Variants in NRP2 observed in about 807,000 individuals in gnomAD.
NRP2 encodes neuropilin 2, also known as neuropilin-2.
In NRP2, 52 loss-of-function variants were observed where a neutral mutation model predicts 110.4. The observed-to-expected ratio is 0.47, with a 90% CI of 0.38 to 0.59. The LOEUF (loss-of-function observed/expected upper bound fraction) is 0.59. Ranked by LOEUF, NRP2 falls within the 20% of genes least tolerant of loss-of-function variation. NRP2 has a pLI of 0.00. For synonymous variants in NRP2, 508 were observed against 468.9 expected, an observed-to-expected ratio of 1.08 and a Z score of -1.08; for missense variants, 1,049 against 1,203.0, an observed-to-expected ratio of 0.87 and a Z score of 1.89.
At chr2:205,764,491 T>G (rs1261506494) in intron 13 of NRP2, 1 of 161,102 alleles carries the variant, frequency 6.2e-6, no homozygotes, top group Admixed American at 5.8e-5. Flanking sequence ...GAGGCACAGA[T>G]GGGTATGTTC....
chr2:205,736,641 G>A (rs1336445684), intron 7 of NRP2, among the ~76,000 whole-genome samples: 2 of 152,210 alleles, frequency 1.3e-5, no homozygotes, highest in Non-Finnish European at 2.9e-5. Context: ...TGGAGGGAGG[G>A]CCAGTAAACT....
At chr2:205,690,390 G>A (rs2056284286) in intron 1 of NRP2, among the ~76,000 whole-genome samples, 1 of 152,046 alleles carries the variant, frequency 6.6e-6, no homozygotes, top group Admixed American at 6.6e-5. Flanking sequence ...GGAAGTGTGG[G>A]GGTTGGAGTG....
intron 15 of NRP2, chr2:205,776,118 C>A: frequency 1.1e-6 from 1 of 923,372 alleles, no homozygotes; most frequent in Non-Finnish European, 1.8e-6. Flanking sequence ...CTGAGTACCA[C>A]CTTAGTCCCC....
chr2:205,776,466 T>C (rs1253035308), intron 15 of NRP2: 3 of 1,612,074 alleles, frequency 1.9e-6, no homozygotes, highest in Non-Finnish European at 2.5e-6. Flanking sequence ...ACGGGGCCCC[T>C]CTGGCGGTGG....
chr2:205,766,651 C>G (rs2057923438), intron 14 of NRP2, 132 bp from the exon 15 acceptor site: 4 of 782,650 alleles, frequency 5.1e-6, no homozygotes, highest in South Asian at 1.5e-5. Context: ...ATGGGGGGCC[C>G]TCTCCATGGA....
At chr2:205,745,953 C>G in intron 10 of NRP2, 63 bp downstream of exon 10, 25 of 1,595,594 alleles carry the variant, frequency 1.6e-5, no homozygotes, top group Non-Finnish European at 2.1e-5. Flanking sequence ...TGGCATCCCA[C>G]GAGGCCCTGG....
Position 205,726,013 on chromosome 2 carries a change from A to T in NRP2, c.921A>T (p.Gln307His). ...ACTCTGATGGGAGGTGGACCCCTCA[A>T]CAAAGCCGGCTCCATGGTGATGACA... ...STYSDGRWTP[Q>H]QSRLHGDDNG... The change falls in exon 6 of 17, where the codon CAA becomes CAT. Residue 307 changes from glutamine to histidine, a missense_variant. Coordinates refer to ENST00000357785, the MANE Select transcript of NRP2 (RefSeq NM_003872.3). The T allele has an allele frequency of 6.2e-7, 1 of 1,614,220 alleles. No individual in the cohort carries two copies.
At chr2:205,748,978 G>C (rs1019643935) in intron 10 of NRP2, among the ~76,000 whole-genome samples, 3 of 152,192 alleles carry the variant, frequency 2.0e-5, no homozygotes, top group African/African-American at 7.2e-5. Flanking sequence ...GTGCTACTTA[G>C]TATAACATTT....
At chr2:205,721,139 A>T (rs1441686032) in intron 3 of NRP2, among the ~76,000 whole-genome samples, 1 of 152,190 alleles carries the variant, frequency 6.6e-6, no homozygotes, top group African/African-American at 2.4e-5. Context: ...GTCATCAATA[A>T]AGAGACTCAA....
At chr2:205,735,899 A>G (rs757789238) in intron 7 of NRP2, among the ~76,000 whole-genome samples, 56 of 152,184 alleles carry the variant, frequency 3.7e-4, no homozygotes, top group Non-Finnish European at 7.3e-5. Flanking sequence ...TTTATGTTCA[A>G]CTTAGCTCTT....
intron 7 of NRP2, among the ~76,000 whole-genome samples, chr2:205,731,343 G>C (rs990062548): frequency 3.3e-5 from 5 of 152,200 alleles, no homozygotes; most frequent in Admixed American, 3.3e-4. Context: ...TAATACAACA[G>C]TAGAAGGTTC....
chr2:205,745,145 G>C (rs2105878693), intron 9 of NRP2, among the ~76,000 whole-genome samples: 1 of 152,276 alleles, frequency 6.6e-6, no homozygotes, highest in East Asian at 1.9e-4. Flanking sequence ...ATGTACTGGG[G>C]CTCCATGTGA....
chr2:205,733,287 G>A (rs187463601), intron 7 of NRP2, among the ~76,000 whole-genome samples: 8 of 152,266 alleles, frequency 5.3e-5, no homozygotes, highest in African/African-American at 1.7e-4. Context: ...GCTGAGGCGC[G>A]CCTCCCTGGC....
chr2:205,691,630 T>C (rs545490122), intron 1 of NRP2, among the ~76,000 whole-genome samples: 1 of 152,248 alleles, frequency 6.6e-6, no homozygotes, highest in Non-Finnish European at 1.5e-5. Context: ...ATTACTTTTT[T>C]TTCTCCTTTG....
intron 15 of NRP2, among the ~76,000 whole-genome samples, chr2:205,772,126 AC>A (rs957120666): frequency 6.6e-6 from 1 of 152,224 alleles, no homozygotes; most frequent in African/African-American, 2.4e-5. Flanking sequence ...TCCAAGTGAA[AC>A]CAGGAGAAAA....
intron 8 of NRP2, among the ~76,000 whole-genome samples, chr2:205,742,099 G>A (rs1314169522): frequency 1.3e-5 from 2 of 152,194 alleles, no homozygotes; most frequent in Non-Finnish European, 2.9e-5. Flanking sequence ...CAAAGATTTA[G>A]GTAGAGGTCA....
rs918645921 is a variant in NRP2 at position 205,686,730 on chromosome 2, C to T, written c.73+3367C>T. Reference sequence around the variant, plus strand: ...GGGATCTTGCCCATATGCGTTGCGGCTTCTGCGGCTCCGGCTGAATTTCTT... The same window carrying T: ...GGGATCTTGCCCATATGCGTTGCGGTTTCTGCGGCTCCGGCTGAATTTCTT... On this transcript the variant is annotated intron_variant, in intron 1 of 16. Coordinates refer to ENST00000357785, the MANE Select transcript of NRP2 (RefSeq NM_003872.3). The surrounding 1 kb of genome is among the most constrained non-coding windows in gnomAD (Gnocchi z 4.7). Among the ~76,000 whole-genome samples, 1 of 152,176 alleles carries T rather than the reference C, an allele frequency of 6.6e-6. No individual in the cohort carries two copies. Among genetic ancestry groups the T allele is most frequent in the African/African-American group, 2.4e-5 (1 of 41,448 alleles).
chr2:205,785,904 CT>C (rs1482397377), intron 15 of NRP2, among the ~76,000 whole-genome samples: 2 of 152,186 alleles, frequency 1.3e-5, no homozygotes, highest in Admixed American at 6.5e-5. Flanking sequence ...AAGCCCCCTC[CT>C]TTTTTTTCCG....
chr2:205,763,737 T>G lies in NRP2; in HGVS notation c.2108T>G (p.Ile703Ser). 6.2e-7 allele frequency: 1 copy of G among 1,614,210 alleles called. No individual in the cohort carries two copies. Among genetic ancestry groups the G allele is most frequent in the Non-Finnish European group, 8.5e-7 (1 of 1,180,040 alleles). ...SQREGQYARLISPPVHLPRSP... is the reference protein window; with the variant it reads ...SQREGQYARLSSPPVHLPRSP... Reference sequence around the variant, plus strand: ...AGAGAGGGCCAGTATGCCCGGCTCATCAGCCCCCCTGTCCACCTGCCCCGA... The same window carrying G: ...AGAGAGGGCCAGTATGCCCGGCTCAGCAGCCCCCCTGTCCACCTGCCCCGA... The change falls in exon 13 of 17, where the codon ATC (isoleucine) becomes AGC (serine). Residue 703 changes from isoleucine to serine, a missense_variant. Ile to Ser is a moderately radical substitution (Grantham distance 142). Coordinates refer to ENST00000357785, the MANE Select transcript of NRP2 (RefSeq NM_003872.3). This position sits in a 1 kb window ranked among gnomAD's most constrained non-coding sequence, Gnocchi z 4.0.
Sources: allele counts gnomAD v4.1 joint callset (sites outside exome capture counted in the v4.1 genomes callset), GRCh38; gene constraint gnomAD v4.1.1; non-coding constraint Gnocchi (gnomAD v3.1); transcripts MANE v1.5; gene names NCBI Gene and HGNC (gene_info 2026-07-23, HGNC 2026-07-21).